The following APBA2 variants were observed in gnomAD, a reference collection of about 807,000 sequenced individuals.
APBA2 encodes the protein amyloid beta precursor protein binding family A member 2, also known as amyloid-beta A4 precursor protein-binding family A member 2.
A neutral mutation model predicts 75.0 loss-of-function variants in APBA2; 30 were observed. The observed-to-expected ratio is 0.40, with a 90% confidence interval of 0.30 to 0.54. The LOEUF (loss-of-function observed/expected upper bound fraction) is 0.54, where lower values mean the gene tolerates loss of function less well. Among genes scored for constraint, APBA2 ranks in the 20% least tolerant of loss-of-function variants. The pLI, the probability that APBA2 is intolerant of heterozygous loss-of-function variation, is 0.49. For missense variants in APBA2, 801 were observed against 1,016.1 expected (o/e 0.79, Z 2.88); for synonymous variants, 444 against 409.6 (o/e 1.08, Z -1.01).
intron 1 of APBA2, among the ~76,000 whole-genome samples, chr15:28,908,589 G>A (rs1270128629): frequency 3.3e-5 from 5 of 151,962 alleles, no homozygotes; most frequent in Admixed American, 1.3e-4. Context: ...GATTACAGGC[G>A]TGAGCCACTG....
intron 5 of APBA2, 97 bp downstream of exon 5, chr15:29,075,098 T>A (rs2042792801): frequency 1.1e-6 from 1 of 948,512 alleles, no homozygotes; most frequent in African/African-American, 1.6e-5. Context: ...TCCATGATGT[T>A]CTCATCCCAC....
chr15:29,011,089 TTCTG>T (rs1420726205), intron 3 of APBA2, among the ~76,000 whole-genome samples: 16 of 152,284 alleles, frequency 1.1e-4, no homozygotes, highest in Non-Finnish European at 4.4e-5. Context: ...ATCCTACAGT[TTCTG>T]TCTTTTTGTG....
rs183967734 is a variant in APBA2, at chr15:29,033,632, T to A, written c.-40-20213T>A. On this transcript the variant is annotated intron_variant, in intron 3 of 14. Coordinates refer to ENST00000683413, the MANE Select transcript of APBA2 (RefSeq NM_001353788.2). ...TTATACTTAACAATGACAGTTTCAT[T>A]ATAGCAAAAATTTACAACCCAGAAC... Among the ~76,000 whole-genome samples the A allele has an allele frequency of 5.5e-3, 837 of 152,030 alleles. 8 individuals carry two copies. The highest frequency in any genetic ancestry group is 0.045 in the South Asian group (214 of 4,804).
In APBA2 at chr15:28,896,381, G is replaced by A. The variant is rs1287610451; in HGVS notation, c.-205+10103G>A. Among the ~76,000 whole-genome samples, 9 of 152,090 alleles carry A rather than the reference G, an allele frequency of 5.9e-5. No homozygotes were observed. In the East Asian group the frequency reaches 7.7e-4, roughly 13 times the overall value. On this transcript the variant is annotated intron_variant, in intron 1 of 14. Transcript: ENST00000683413. Reference sequence around the variant, plus strand: ...TGCAAGCTCCGCCTCCCGGGTTCACGCCATTCTCCTGCCTCAGCCTCCCCA... The same window carrying A: ...TGCAAGCTCCGCCTCCCGGGTTCACACCATTCTCCTGCCTCAGCCTCCCCA...
At chr15:28,906,387 T>C (rs1453947389) in intron 1 of APBA2, among the ~76,000 whole-genome samples, 1 of 152,196 alleles carries the variant, frequency 6.6e-6, no homozygotes, top group Non-Finnish European at 1.5e-5. Flanking sequence ...ATGTGACCGT[T>C]TACTTATTGA....
chr15:28,950,803 T>C (rs1338361188), intron 2 of APBA2, among the ~76,000 whole-genome samples: 2 of 152,202 alleles, frequency 1.3e-5, no homozygotes, highest in African/African-American at 2.4e-5. Context: ...GGGGGACTTA[T>C]CTATTCTCCC....
chr15:29,031,595 C>A (rs559433020), intron 3 of APBA2, among the ~76,000 whole-genome samples: 1 of 152,266 alleles, frequency 6.6e-6, no homozygotes, highest in South Asian at 2.1e-4. Flanking sequence ...TAGCCTCTGG[C>A]AAAATGCCCT....
At chr15:28,960,902 G>A (rs2036434294) in intron 2 of APBA2, among the ~76,000 whole-genome samples, 1 of 151,936 alleles carries the variant, frequency 6.6e-6, no homozygotes, top group Non-Finnish European at 1.5e-5. Context: ...TGGGATTACA[G>A]GCGTGCACCA....
intron 3 of APBA2, among the ~76,000 whole-genome samples, chr15:29,034,861 C>T (rs1424077737): frequency 6.6e-6 from 1 of 152,216 alleles, no homozygotes; most frequent in East Asian, 1.9e-4. Flanking sequence ...ACTGATGCTG[C>T]TGGCCCAGGG....
chr15:29,107,261 T>C (rs1292867748), intron 12 of APBA2, among the ~76,000 whole-genome samples: 1 of 152,128 alleles, frequency 6.6e-6, no homozygotes, highest in Non-Finnish European at 1.5e-5. Context: ...TTCCCTTAAG[T>C]AAGGAGGCCA....
At chr15:29,065,580 G>A (rs1332916678) in intron 4 of APBA2, among the ~76,000 whole-genome samples, 1 of 152,196 alleles carries the variant, frequency 6.6e-6, no homozygotes, top group Non-Finnish European at 1.5e-5. Context: ...GTGGAGAAAG[G>A]AGATGTGGAA....
chr15:29,077,822 A>G (rs141301562), intron 6 of APBA2, among the ~76,000 whole-genome samples: 6 of 152,352 alleles, frequency 3.9e-5, no homozygotes, highest in African/African-American at 1.4e-4. Flanking sequence ...CGAGGCCTTC[A>G]TGGACCAAAA....
intron 3 of APBA2, among the ~76,000 whole-genome samples, chr15:29,028,153 C>T (rs1214614456): frequency 1.3e-5 from 2 of 151,988 alleles, no homozygotes; most frequent in African/African-American, 4.8e-5. Context: ...TCTCCCTCCC[C>T]CGATCCCACC....
chr15:29,009,079 A>G (rs2152812005), intron 3 of APBA2, among the ~76,000 whole-genome samples: 1 of 152,328 alleles, frequency 6.6e-6, no homozygotes, highest in South Asian at 2.1e-4. Flanking sequence ...GCACCAAAGT[A>G]TCCTACTGAG....
intron 3 of APBA2, 89 bp from the exon 4 acceptor site, chr15:29,053,756 T>A: frequency 3.9e-6 from 3 of 761,978 alleles, no homozygotes; most frequent in Non-Finnish European, 6.4e-6. Flanking sequence ...CGGGAGGACG[T>A]GGTGGGAGGT....
At chr15:29,111,425 T>C (rs1035448914) in intron 13 of APBA2, among the ~76,000 whole-genome samples, 1 of 152,072 alleles carries the variant, frequency 6.6e-6, no homozygotes, top group African/African-American at 2.4e-5. Context: ...TGTCAGGGGC[T>C]TTCTCCAGGA....
intron 2 of APBA2, among the ~76,000 whole-genome samples, chr15:28,932,223 G>A (rs750847018): frequency 3.9e-5 from 6 of 152,176 alleles, no homozygotes; most frequent in Non-Finnish European, 8.8e-5. Context: ...CATTCACCAG[G>A]GAGCAGGTTT....
chr15:29,087,036 ATATCTCCATC>A (rs1230444894), intron 6 of APBA2, among the ~76,000 whole-genome samples: 1 of 152,090 alleles, frequency 6.6e-6, no homozygotes, highest in Non-Finnish European at 1.5e-5. Context: ...TTAGACTCCC[ATATCTCCATC>A]TTGCCTTCTT....
chr15:29,095,206 T>A (rs1362126638), intron 8 of APBA2, among the ~76,000 whole-genome samples: 2 of 152,194 alleles, frequency 1.3e-5, no homozygotes, highest in Non-Finnish European at 2.9e-5. Flanking sequence ...GGCGGGCGGA[T>A]CACCTGAGGT....
Sources: allele counts gnomAD v4.1 joint callset (sites outside exome capture counted in the v4.1 genomes callset), GRCh38; gene constraint gnomAD v4.1.1; transcripts MANE v1.5; gene names NCBI Gene and HGNC (gene_info 2026-07-23, HGNC 2026-07-21).